MYO6: variants seen among roughly 807,000 people sequenced by gnomAD.
The protein encoded by MYO6 is unconventional myosin-VI.
A neutral mutation model predicts 178.7 loss-of-function variants in MYO6; 74 were observed. That is an observed-to-expected ratio of 0.41 (90% CI 0.34 to 0.50). The LOEUF (loss-of-function observed/expected upper bound fraction) is 0.50. Among genes scored for constraint, MYO6 ranks in the 20% least tolerant of loss-of-function variants. The pLI, the probability that MYO6 is intolerant of heterozygous loss-of-function variation, is 0.09. For missense variants in MYO6, 1,330 were observed against 1,547.4 expected (o/e 0.86, Z 2.36); for synonymous variants, 477 against 504.6 (o/e 0.95, Z 0.73).
chr6:75,777,633 C>T (rs1437381476), intron 1 of MYO6, among the ~76,000 whole-genome samples: 1 of 151,586 alleles, frequency 6.6e-6, no homozygotes, highest in Non-Finnish European at 1.5e-5. Context: ...GACAAGGTTT[C>T]GCTGTGTTGC....
chr6:75,842,572 T>C (rs1005098178), intron 9 of MYO6, among the ~76,000 whole-genome samples: 2 of 152,342 alleles, frequency 1.3e-5, no homozygotes, highest in South Asian at 2.1e-4. Flanking sequence ...TAAAACACTT[T>C]ATAAATGTAT....
At position 75,915,072 on chromosome 6, in the gene MYO6, G is replaced by C; in HGVS notation, c.*60G>C. 2 of 1,471,950 alleles carry C rather than the reference G, an allele frequency of 1.4e-6. No homozygotes were observed. Among genetic ancestry groups the C allele is most frequent in the Non-Finnish European group, 1.9e-6 (2 of 1,071,008 alleles). 91.2% of individuals were successfully genotyped at this position (1,471,950 alleles called of 1,614,324 possible). A position where few individuals can be genotyped will look rare whatever the true frequency, so the allele number is the denominator to read the frequency against. On this transcript the variant is annotated 3_prime_UTR_variant, in exon 35 of 35. Transcript: ENST00000369977. Reference sequence around the variant, plus strand: ...GCCATGGTACTTAGGTAGGGTGTGTGCCCCCAGATTTAACCATTCCATAAT... The same window carrying C: ...GCCATGGTACTTAGGTAGGGTGTGTCCCCCCAGATTTAACCATTCCATAAT...
At chr6:75,764,280 A>G (rs1341318667) in intron 1 of MYO6, among the ~76,000 whole-genome samples, 1 of 152,158 alleles carries the variant, frequency 6.6e-6, no homozygotes, top group Non-Finnish European at 1.5e-5. Flanking sequence ...TATAGCACTC[A>G]TCACACCTGT....
At chr6:75,757,884 GT>G (rs201818332) in intron 1 of MYO6, among the ~76,000 whole-genome samples, 7 of 140,952 alleles carry the variant, frequency 5.0e-5, no homozygotes, top group Middle Eastern at 3.9e-3. Flanking sequence ...TTGTTACTGT[GT>G]TTTTTTTTGT....
At chr6:75,810,976 C>T (rs1229725008) in intron 1 of MYO6, among the ~76,000 whole-genome samples, 2 of 151,808 alleles carry the variant, frequency 1.3e-5, no homozygotes, top group Admixed American at 6.6e-5. Flanking sequence ...CATTGCACTC[C>T]AGCCTGGGTG....
chr6:75,834,478 C>T (rs771738570), intron 6 of MYO6, among the ~76,000 whole-genome samples: 1 of 152,078 alleles, frequency 6.6e-6, no homozygotes. Flanking sequence ...AGTGATGCTC[C>T]CACTTTGACC....
In MYO6 at chr6:75,881,711, T is replaced by C. The variant is rs202216621; in HGVS notation, c.2309T>C (p.Met770Thr). ...PGKFAEFDQI[M>T]KSDPDHLAEL... ...TAGTTTGCAGAATTTGATCAGATCATGAAGTCTGACCCTGACCACTTAGCA... is the reference window on the plus strand; with the variant it reads ...TAGTTTGCAGAATTTGATCAGATCACGAAGTCTGACCCTGACCACTTAGCA... The change falls in exon 23 of 35, where the codon ATG becomes ACG. Residue 770 changes from methionine (M) to threonine (T), a missense_variant. By Grantham distance (81) the Met-to-Thr change is moderately conservative (BLOSUM62 -1). Coordinates refer to ENST00000369977, the MANE Select transcript of MYO6 (RefSeq NM_004999.4). The C allele has an allele frequency of 1.9e-6, 3 of 1,613,902 alleles. No individual in the cohort carries two copies. Among genetic ancestry groups the C allele is most frequent in the East Asian group, 4.5e-5 (2 of 44,870 alleles).
intron 28 of MYO6, 107 bp from the exon 29 acceptor site, chr6:75,895,124 G>T: frequency 1.2e-6 from 1 of 818,982 alleles, no homozygotes; most frequent in South Asian, 1.8e-5. Flanking sequence ...AAATAATTGA[G>T]TTTTTAAAAT....
intron 1 of MYO6, among the ~76,000 whole-genome samples, chr6:75,807,682 G>A (rs980292301): frequency 1.3e-5 from 2 of 152,200 alleles, no homozygotes; most frequent in African/African-American, 4.8e-5. Context: ...ATAAAGAATA[G>A]CTCCTCCACA....
At chr6:75,904,645 GT>G (rs759246268) in intron 30 of MYO6, among the ~76,000 whole-genome samples, 1 of 152,080 alleles carries the variant, frequency 6.6e-6, no homozygotes, top group Non-Finnish European at 1.5e-5. Context: ...TTTTTTCAAA[GT>G]TTTCAACTTC....
At chr6:75,805,275 G>A (rs548039867) in intron 1 of MYO6, among the ~76,000 whole-genome samples, 37 of 151,904 alleles carry the variant, frequency 2.4e-4, no homozygotes, top group Non-Finnish European at 4.7e-4. Context: ...AAAGTGTTGG[G>A]ATTACAGGTG....
chr6:75,910,948 C>T (rs747570065), intron 32 of MYO6, among the ~76,000 whole-genome samples: 6 of 151,994 alleles, frequency 3.9e-5, no homozygotes, highest in African/African-American at 7.2e-5. Flanking sequence ...AATGTAGCTT[C>T]GTATTGTTGA....
intron 25 of MYO6, among the ~76,000 whole-genome samples, chr6:75,887,841 T>A (rs975160328): frequency 6.9e-6 from 1 of 144,802 alleles, no homozygotes; most frequent in Non-Finnish European, 1.5e-5. Context: ...TAGCCAGGCG[T>A]GATGGGGGGC....
chr6:75,848,574 T>A (rs1774953881), intron 11 of MYO6, 43 bp downstream of exon 11: 2 of 1,576,466 alleles, frequency 1.3e-6, no homozygotes, highest in Non-Finnish European at 1.7e-6. Context: ...TTAAATAGAA[T>A]TTCTGTTATT....
chr6:75,821,591 C>A (rs1296505121), intron 2 of MYO6, among the ~76,000 whole-genome samples: 1 of 151,572 alleles, frequency 6.6e-6, no homozygotes, highest in Non-Finnish European at 1.5e-5. Flanking sequence ...GTAGTCCCAG[C>A]AGCGTGGATT....
chr6:75,769,575 G>A (rs1246928923), intron 1 of MYO6, among the ~76,000 whole-genome samples: 2 of 152,200 alleles, frequency 1.3e-5, no homozygotes, highest in Non-Finnish European at 2.9e-5. Flanking sequence ...CCAAGGTCTC[G>A]GGCAGCTCCA....
rs138277146 is a variant in MYO6 at position 75,874,161 on chromosome 6, G to A, written c.2077+861G>A. Reference sequence around the variant, plus strand: ...ATAAACCCCTTCCAAAGCCCTGCATGTAATTTTCTGCTTCGCTAAAGGCCT... The same window carrying A: ...ATAAACCCCTTCCAAAGCCCTGCATATAATTTTCTGCTTCGCTAAAGGCCT... On this transcript the variant is annotated intron_variant, in intron 20 of 34. Transcript: ENST00000369977. Among the ~76,000 whole-genome samples, 45 of 152,306 alleles carry A rather than the reference G, an allele frequency of 3.0e-4. 1 individual carries two copies. The East Asian group carries it at 8.7e-3, about 29-fold the overall frequency.
chr6:75,912,061 C>G (rs897187913), intron 33 of MYO6, among the ~76,000 whole-genome samples: 1 of 151,900 alleles, frequency 6.6e-6, no homozygotes, highest in Admixed American at 6.6e-5. Context: ...TTTTTGGTTA[C>G]TGTATTTTCA....
chr6:75,829,417 A>G (rs1772840903), intron 4 of MYO6, among the ~76,000 whole-genome samples: 1 of 152,116 alleles, frequency 6.6e-6, no homozygotes, highest in South Asian at 2.1e-4. Flanking sequence ...CGAAGAAAAC[A>G]CATGGCTTCT....
Sources: allele counts gnomAD v4.1 joint callset (sites outside exome capture counted in the v4.1 genomes callset), GRCh38; gene constraint gnomAD v4.1.1; transcripts MANE v1.5; gene names NCBI Gene and HGNC (gene_info 2026-07-23, HGNC 2026-07-21).